PCOLCE2: variants seen among roughly 807,000 people sequenced by gnomAD.
PCOLCE2 encodes the protein procollagen C-endopeptidase enhancer 2, also known as procollagen C-proteinase enhancer 2.
PCOLCE2 carries 42 observed loss-of-function variants against 47.0 expected under a neutral mutation model. The ratio of observed to expected loss-of-function variants is 0.89; its 90% CI spans 0.70 to 1.16. The LOEUF is 1.16. PCOLCE2 is among the 50% of genes most tolerant of loss of function. PCOLCE2 has a pLI of 0.00. For synonymous variants in PCOLCE2, 169 were observed against 191.7 expected (o/e 0.88, Z 0.98); for missense variants, 500 against 526.1 (o/e 0.95, Z 0.49).
At chr3:142,827,534 A>C in intron 6 of PCOLCE2, 1 of 1,480,776 alleles carries the variant, frequency 6.8e-7, no homozygotes, top group Non-Finnish European at 9.4e-7. Flanking sequence ...GCAGCACACG[A>C]TCATACCCTC....
At chr3:142,860,450 T>C (rs1226616922) in intron 2 of PCOLCE2, among the ~76,000 whole-genome samples, 3 of 152,028 alleles carry the variant, frequency 2.0e-5, no homozygotes, top group Non-Finnish European at 2.9e-5. Context: ...GTTGTTGTTG[T>C]TTTGTTTGAT....
chr3:142,827,320 G>T, intron 6 of PCOLCE2: 1 of 1,383,038 alleles, frequency 7.2e-7, no homozygotes, highest in Non-Finnish European at 1.0e-6. Context: ...GGTAGGCTTG[G>T]CAAGCCTTCA....
chr3:142,844,707 C>T (rs1044373007), intron 3 of PCOLCE2, among the ~76,000 whole-genome samples: 1 of 152,032 alleles, frequency 6.6e-6, no homozygotes, highest in African/African-American at 2.4e-5. Flanking sequence ...TGTGAAGTGT[C>T]CAAGTGTTTT....
chr3:142,823,015 T>C (rs971908770), intron 7 of PCOLCE2, among the ~76,000 whole-genome samples: 3 of 152,168 alleles, frequency 2.0e-5, no homozygotes, highest in Admixed American at 6.5e-5. Flanking sequence ...TCTAAATCAT[T>C]AAAGAACACC....
chr3:142,886,189 G>A (rs753717447), intron 2 of PCOLCE2, among the ~76,000 whole-genome samples: 18 of 152,110 alleles, frequency 1.2e-4, no homozygotes, highest in Non-Finnish European at 1.8e-4. Flanking sequence ...GAGGCAAACC[G>A]TTCCTTTATC....
intron 2 of PCOLCE2, among the ~76,000 whole-genome samples, chr3:142,868,789 T>C (rs528916389): frequency 6.6e-6 from 1 of 152,312 alleles, no homozygotes; most frequent in East Asian, 1.9e-4. Flanking sequence ...TCCCCTCCCT[T>C]GTCAAGTGTG....
chr3:142,824,418 T>C (rs538749248), intron 6 of PCOLCE2, among the ~76,000 whole-genome samples: 1 of 152,170 alleles, frequency 6.6e-6, no homozygotes, highest in African/African-American at 2.4e-5. Context: ...AGTGCTGAGG[T>C]AGAGAAACCC....
At chr3:142,849,020 G>A (rs1296931622) in intron 2 of PCOLCE2, among the ~76,000 whole-genome samples, 2 of 152,018 alleles carry the variant, frequency 1.3e-5, no homozygotes, top group Non-Finnish European at 2.9e-5. Context: ...GGGTGTGGTG[G>A]GGGGCGCCTG....
rs1560133712 is a variant in PCOLCE2, at chr3:142,842,939, T to C, written c.558A>G (p.Val186=). The part of the protein sequence containing the change: ...PAGVTCVWHI[V]APKNQLIELK... ...GGAATCTCACCTGATTCTTTGGGGCTACAATGTGCCACACACAAGTGACTC... is the reference window on the plus strand; with the variant it reads ...GGAATCTCACCTGATTCTTTGGGGCCACAATGTGCCACACACAAGTGACTC... The change falls in exon 4 of 9, where the codon GTA becomes GTG. Residue 186 remains valine (V), a synonymous_variant. Coordinates refer to ENST00000295992, the MANE Select transcript of PCOLCE2 (RefSeq NM_013363.4). The surrounding 1 kb of genome is among the most constrained non-coding windows in gnomAD (Gnocchi z 4.1). The C allele has an allele frequency of 6.2e-7, 1 of 1,614,140 alleles. No homozygotes were observed.
intron 2 of PCOLCE2, among the ~76,000 whole-genome samples, chr3:142,871,805 A>G (rs1933390000): frequency 1.3e-5 from 2 of 152,206 alleles, no homozygotes. Flanking sequence ...AGCTGTGTGT[A>G]TAGATATTCA....
In PCOLCE2 at chr3:142,848,445, T is replaced by C. The variant is rs747577646; in HGVS notation, c.220A>G (p.Asn74Asp). ...CTCTCGAGGTCTATGAATCGGAAATTGAGAACGACTACTTTTCCTTCGGGA... is the reference window on the plus strand; with the variant it reads ...CTCTCGAGGTCTATGAATCGGAAATCGAGAACGACTACTTTTCCTTCGGGA... ...TVPEGKVVVL[N>D]FRFIDLESDN... is the part of the protein sequence containing the mutation. The change falls in exon 3 of 9, where the codon AAT (asparagine) becomes GAT (aspartate). Residue 74 changes from asparagine to aspartate, a missense_variant. By Grantham distance (23) the Asn-to-Asp change is conservative (BLOSUM62 1). Transcript: ENST00000295992. The C allele has an allele frequency of 5.0e-6, 8 of 1,600,832 alleles. No homozygotes were observed. Among genetic ancestry groups the C allele is most frequent in the Non-Finnish European group, 6.8e-6 (8 of 1,169,450 alleles).
At chr3:142,854,205 G>C (rs1158112582) in intron 2 of PCOLCE2, among the ~76,000 whole-genome samples, 1 of 87,046 alleles carries the variant, frequency 1.1e-5, no homozygotes. Context: ...TGTTTTTGCA[G>C]CACGTGATTT....
intron 6 of PCOLCE2, among the ~76,000 whole-genome samples, chr3:142,829,395 T>C (rs924430016): frequency 2.0e-5 from 3 of 152,102 alleles, no homozygotes; most frequent in Admixed American, 2.0e-4. Flanking sequence ...AACGACAAGT[T>C]TGTCAGTTCC....
At chr3:142,882,115 T>C (rs1933633549) in intron 2 of PCOLCE2, among the ~76,000 whole-genome samples, 1 of 151,896 alleles carries the variant, frequency 6.6e-6, no homozygotes, top group Non-Finnish European at 1.5e-5. Context: ...CTGCACCCTC[T>C]GACTCCTGGG....
At chr3:142,884,522 T>C (rs1196059309) in intron 2 of PCOLCE2, among the ~76,000 whole-genome samples, 1 of 152,232 alleles carries the variant, frequency 6.6e-6, no homozygotes, top group Non-Finnish European at 1.5e-5. Context: ...AACCCCATCA[T>C]GGATTACAAA....
At position 142,843,014 on chromosome 3, in the gene PCOLCE2, AGGTCT is replaced by A. The variant is rs1036546554; in HGVS notation, c.478_482del (p.Arg160PhefsTer5). On this transcript the variant is annotated frameshift_variant, in exon 4 of 9. Transcript: ENST00000295992. LOFTEE classifies it high-confidence loss of function. Reference sequence around the variant, plus strand: ...AGTTGGGGGTTTTAAAAGAGCCGGAAGGTCTGTCAAGGAGTCCTCCACAATACTGA... The same window carrying A: ...AGTTGGGGGTTTTAAAAGAGCCGGAAGTCAAGGAGTCCTCCACAATACTGA... The A allele has an allele frequency of 4.3e-6, 7 of 1,613,808 alleles. No individual in the cohort carries two copies. In the African/African-American group the frequency reaches 9.3e-5, roughly 22 times the overall value.
chr3:142,866,126 T>C (rs1578046495), intron 2 of PCOLCE2, among the ~76,000 whole-genome samples: 2 of 152,184 alleles, frequency 1.3e-5, no homozygotes, highest in African/African-American at 4.8e-5. Context: ...GGAGTGTGTA[T>C]GAGGGTTTGC....
chr3:142,874,893 T>C (rs1391243970), intron 2 of PCOLCE2, among the ~76,000 whole-genome samples: 1 of 152,192 alleles, frequency 6.6e-6, no homozygotes, highest in African/African-American at 2.4e-5. Context: ...ATCAGGTGTG[T>C]ACTAGGGTAC....
chr3:142,883,479 G>A (rs186895087), intron 2 of PCOLCE2, among the ~76,000 whole-genome samples: 2 of 151,818 alleles, frequency 1.3e-5, no homozygotes, highest in South Asian at 4.2e-4. Flanking sequence ...GAGTGCAATG[G>A]CATGATCTCG....
Sources: gnomAD v4.1 joint callset for allele counts (sites outside exome capture counted in the v4.1 genomes callset) on GRCh38, gnomAD v4.1.1 for gene constraint, Gnocchi (gnomAD v3.1) non-coding constraint, MANE v1.5 for transcripts, NCBI Gene and HGNC (gene_info 2026-07-23, HGNC 2026-07-21) for gene names.